The following USP24 variants were observed in gnomAD, a reference collection of about 807,000 sequenced individuals.
USP24 encodes the protein ubiquitin carboxyl-terminal hydrolase 24.
In USP24, 97 loss-of-function variants were observed where a neutral mutation model predicts 361.6. The ratio of observed to expected loss-of-function variants is 0.27; its 90% CI spans 0.23 to 0.32. The LOEUF is 0.32. USP24 is among the 10% of genes least tolerant of loss of function. USP24 has a pLI of 1.00. For missense variants in USP24, 2,353 were observed against 3,165.6 expected (o/e 0.74, Z 6.16); for synonymous variants, 1,098 against 1,124.6 (o/e 0.98, Z 0.47).
intron 1 of USP24, among the ~76,000 whole-genome samples, chr1:55,196,918 G>A (rs947413136): frequency 6.6e-6 from 1 of 152,152 alleles, no homozygotes; most frequent in African/African-American, 2.4e-5. Context: ...TGCATTAGGT[G>A]TTCCTTCCAC....
At chr1:55,139,827 A>C (rs1646838110) in intron 24 of USP24, among the ~76,000 whole-genome samples, 1 of 152,202 alleles carries the variant, frequency 6.6e-6, no homozygotes, top group Non-Finnish European at 1.5e-5. Context: ...AAATATACTT[A>C]ACAGAGTTCT....
intron 38 of USP24, among the ~76,000 whole-genome samples, chr1:55,110,633 A>G (rs1265340597): frequency 6.6e-6 from 1 of 152,232 alleles, no homozygotes; most frequent in Non-Finnish European, 1.5e-5. Context: ...ACAACAAATT[A>G]GAAATATACA....
chr1:55,145,475 C>T (rs1375076705), intron 20 of USP24, among the ~76,000 whole-genome samples: 2 of 152,010 alleles, frequency 1.3e-5, no homozygotes, highest in Admixed American at 6.5e-5. Context: ...TCCATAAAGA[C>T]AGAAAATAGA....
chr1:55,146,891 AT>A (rs1647042783), intron 19 of USP24, 37 bp downstream of exon 19: 3 of 1,606,248 alleles, frequency 1.9e-6, no homozygotes, highest in Non-Finnish European at 2.6e-6. Flanking sequence ...ATATTTAAAT[AT>A]TTCTGCCTTA....
At chr1:55,075,315 G>A in intron 63 of USP24, 142 bp downstream of exon 63, 1 of 660,284 alleles carries the variant, frequency 1.5e-6, no homozygotes, top group Non-Finnish European at 2.5e-6. Context: ...CAGAATGAGG[G>A]AGCCCAGTGG....
intron 1 of USP24, among the ~76,000 whole-genome samples, chr1:55,212,876 T>C (rs1181360710): frequency 6.6e-6 from 1 of 152,174 alleles, no homozygotes; most frequent in East Asian, 1.9e-4. Flanking sequence ...ATTTTATGGA[T>C]TTTAATTTAC....
intron 1 of USP24, among the ~76,000 whole-genome samples, chr1:55,200,615 A>G (rs984107438): frequency 3.9e-5 from 6 of 152,366 alleles, no homozygotes; most frequent in Admixed American, 6.5e-5. Context: ...TTGGATTAAC[A>G]GTGTCATCAT....
intron 12 of USP24, among the ~76,000 whole-genome samples, chr1:55,155,258 T>C (rs1647518311): frequency 6.6e-6 from 1 of 152,232 alleles, no homozygotes; most frequent in African/African-American, 2.4e-5. Context: ...TGGCAGTAAG[T>C]CTTTGCTGCA....
intron 38 of USP24, among the ~76,000 whole-genome samples, chr1:55,119,417 G>C (rs1009409134): frequency 1.3e-5 from 2 of 152,074 alleles, no homozygotes; most frequent in African/African-American, 4.8e-5. Context: ...GGATGGGGGA[G>C]GGGGAACAGG....
chr1:55,095,239 T>C lies in USP24; in HGVS notation c.6203+16A>G, dbSNP rs763663071. On this transcript the variant is annotated intron_variant, in intron 51 of 67. Transcript: ENST00000294383. ...CATAGAAATCACACAGCAAATTACATGGAAGAGACACTTACAGAGAGAGAT... is the reference window on the plus strand; with the variant it reads ...CATAGAAATCACACAGCAAATTACACGGAAGAGACACTTACAGAGAGAGAT... 2.0e-5 allele frequency: 33 copies of C among 1,611,852 alleles called. 1 individual carries two copies. The highest frequency in any genetic ancestry group is 7.7e-5 in the South Asian group (7 of 90,652).
At chr1:55,092,666 A>G (rs2100474427) in intron 53 of USP24, among the ~76,000 whole-genome samples, 155 bp downstream of exon 53, 1 of 152,358 alleles carries the variant, frequency 6.6e-6, no homozygotes, top group Non-Finnish European at 1.5e-5. Context: ...TTGCATTTTA[A>G]TATTACCCAA....
In USP24 at chr1:55,079,563, G is replaced by C; in HGVS notation, c.7175C>G (p.Ser2392Cys). 6.3e-7 allele frequency: 1 copy of C among 1,577,554 alleles called. No homozygotes were observed. The highest frequency in any genetic ancestry group is 1.2e-5 in the South Asian group (1 of 82,478). The change falls in exon 60 of 68, where the codon TCT becomes TGT. Residue 2392 changes from serine (S) to cysteine (C), a missense_variant. Transcript: ENST00000294383. ...HEEVEALLFMSEGKPYLLEVM... is the reference protein window; with the variant it reads ...HEEVEALLFMCEGKPYLLEVM... ...CTCTAACAGGTAAGGTTTCCCTTCA[G>C]ACATGAACAACAAGGCTTCTACCTC...
chr1:55,150,802 G>A lies in USP24; in HGVS notation c.1861-2232C>T, dbSNP rs528641093. Among the ~76,000 whole-genome samples the A allele has an allele frequency of 2.0e-3, 312 of 152,224 alleles. 2 individuals carry two copies. The highest frequency in any genetic ancestry group is 7.2e-3 in the African/African-American group (298 of 41,536). On this transcript the variant is annotated intron_variant, in intron 16 of 67. Coordinates refer to ENST00000294383, the MANE Select transcript of USP24 (RefSeq NM_015306.3). ...TTGTTTATTTCATCTTATCTATGAC[G>A]TGGTGACAAGTTATAAGAAAAATTT...
chr1:55,105,542 A>G (rs1645747897), intron 41 of USP24, among the ~76,000 whole-genome samples: 1 of 152,206 alleles, frequency 6.6e-6, no homozygotes, highest in Non-Finnish European at 1.5e-5. Flanking sequence ...TGAGAAAGGA[A>G]CAAAGTTAGT....
intron 31 of USP24, among the ~76,000 whole-genome samples, chr1:55,131,833 T>G (rs1460240660): frequency 6.6e-6 from 1 of 152,224 alleles, no homozygotes; most frequent in Non-Finnish European, 1.5e-5. Context: ...TGCCTGGATA[T>G]AACTTCCTAA....
In USP24 at chr1:55,155,023, AC is replaced by A. The variant is rs201188280; in HGVS notation, c.1447-246del. Among the ~76,000 whole-genome samples, 912 of 150,656 alleles carry A rather than the reference AC, an allele frequency of 6.1e-3. 15 individuals carry two copies. The highest frequency in any genetic ancestry group is 0.021 in the African/African-American group (860 of 40,198). On this transcript the variant is annotated intron_variant, in intron 12 of 67. Coordinates refer to ENST00000294383, the MANE Select transcript of USP24 (RefSeq NM_015306.3). ...TTTAAACCGACAATGAAAAAAAAAAACCCCATGAGAATCAAGTTCTCAGTGT... is the reference window on the plus strand; with the variant it reads ...TTTAAACCGACAATGAAAAAAAAAAACCCATGAGAATCAAGTTCTCAGTGT...
chr1:55,172,645 G>T, intron 3 of USP24, 125 bp from the exon 4 acceptor site: 1 of 998,694 alleles, frequency 1.0e-6, no homozygotes, highest in Non-Finnish European at 1.4e-6. Context: ...TAGATGATTG[G>T]CTTTTAAAAG....
intron 28 of USP24, among the ~76,000 whole-genome samples, chr1:55,135,617 C>T (rs999681215): frequency 3.3e-5 from 5 of 152,162 alleles, no homozygotes; most frequent in African/African-American, 1.2e-4. Context: ...ATCCTAAAGA[C>T]TACTCAACTT....
chr1:55,073,044 G>C (rs1644952397), intron 64 of USP24, 183 bp from the exon 65 acceptor site: 7 of 598,166 alleles, frequency 1.2e-5, no homozygotes, highest in Non-Finnish European at 1.7e-5. Context: ...CTTCCCCCAG[G>C]GGCTGGGGGA....
Sources: gnomAD v4.1 joint callset for allele counts (sites outside exome capture counted in the v4.1 genomes callset) on GRCh38, gnomAD v4.1.1 for gene constraint, MANE v1.5 for transcripts, NCBI Gene and HGNC (gene_info 2026-07-23, HGNC 2026-07-21) for gene names.